Variants in ANO6 observed in about 807,000 individuals in gnomAD.
ANO6 encodes anoctamin 6.
ANO6 carries 106 observed loss-of-function variants against 117.5 expected under a neutral mutation model. That is an observed-to-expected ratio of 0.90 (90% CI 0.77 to 1.06). ANO6 has a LOEUF of 1.06. Ranked by LOEUF, ANO6 falls within the 50% of genes least tolerant of loss-of-function variation. The pLI, the probability that ANO6 is intolerant of heterozygous loss-of-function variation, is 0.00. For missense variants in ANO6, 955 were observed against 1,121.1 expected (o/e 0.85, Z 2.12); for synonymous variants, 367 against 385.1 (o/e 0.95, Z 0.55).
Position 45,348,542 on chromosome 12 carries a change from A to C in ANO6, c.658A>C (p.Lys220Gln). 2.5e-6 allele frequency: 4 copies of C among 1,613,990 alleles called. No homozygotes were observed. The East Asian group carries it at 8.9e-5, about 36-fold the overall frequency. ...GGTTTACTTCATCCTCTCTCGGGTC[A>C]AGTATCAAGTGATAAACAATGTTAG... ...RIVYFILSRV[K>Q]YQVINNVSKF... The change falls in exon 6 of 20, where the codon AAG becomes CAG. Residue 220 changes from lysine to glutamine, a missense_variant. Lys to Gln is a moderately conservative substitution (Grantham distance 53, BLOSUM62 1). Transcript: ENST00000320560.
chr12:45,277,786 C>A (rs1938600849), intron 1 of ANO6, among the ~76,000 whole-genome samples: 1 of 152,054 alleles, frequency 6.6e-6, no homozygotes, highest in Non-Finnish European at 1.5e-5. Context: ...TCCTGCCATT[C>A]TGACTTATGA....
rs544734439 is a variant in ANO6, at chr12:45,351,623, G to A, written c.863+849G>A. ...AGGAGGTGACTTTTAAGCTGAGATC[G>A]GATAGTGAAGAGGAGCCAGTGCTTT... On this transcript the variant is annotated intron_variant, in intron 7 of 19. Transcript: ENST00000320560. Among the ~76,000 whole-genome samples, 389 of 152,250 alleles carry A rather than the reference G, an allele frequency of 2.6e-3. 2 individuals carry two copies. The highest frequency in any genetic ancestry group is 7.3e-3 in the African/African-American group (302 of 41,540).
chr12:45,390,333 A>C, intron 11 of ANO6, 88 bp from the exon 12 acceptor site: 2 of 1,096,906 alleles, frequency 1.8e-6, no homozygotes, highest in Non-Finnish European at 2.8e-6. Flanking sequence ...TTTAAAATTA[A>C]TTCTAAGATT....
At position 45,430,740 on chromosome 12, in the gene ANO6, T is replaced by G. The variant is rs1592059724; in HGVS notation, c.*1429T>G. 7 of 985,468 alleles carry G rather than the reference T, an allele frequency of 7.1e-6. No individual in the cohort carries two copies. Among genetic ancestry groups the G allele is most frequent in the Non-Finnish European group, 8.4e-6 (7 of 829,958 alleles). The allele number at this position is 985,468 out of a possible 1,614,324, so 61.0% of individuals were successfully genotyped here. On this transcript the variant is annotated 3_prime_UTR_variant, in exon 20 of 20. Coordinates refer to ENST00000320560, the MANE Select transcript of ANO6 (RefSeq NM_001025356.3). The stretch of plus-strand genomic sequence containing the variant: ...CCATGCACGTCTTGCCCCCTCACTT[T>G]TGCTCAGCCTAGCAGTCTACTTCAC...
At chr12:45,284,581 G>T (rs1265081558) in intron 1 of ANO6, among the ~76,000 whole-genome samples, 2 of 152,192 alleles carry the variant, frequency 1.3e-5, no homozygotes, top group African/African-American at 4.8e-5. Context: ...CCAACTCCCA[G>T]CCAGGCTGCT....
At chr12:45,417,333 A>G (rs1943240837) in intron 17 of ANO6, among the ~76,000 whole-genome samples, 1 of 152,194 alleles carries the variant, frequency 6.6e-6, no homozygotes, top group Non-Finnish European at 1.5e-5. Flanking sequence ...GCATCACCCT[A>G]AAATATTGAC....
intron 1 of ANO6, among the ~76,000 whole-genome samples, chr12:45,225,200 A>C (rs34003908): frequency 3.9e-5 from 6 of 152,046 alleles, no homozygotes; most frequent in Non-Finnish European, 7.4e-5. Context: ...AAAAAAAAAA[A>C]AACTCACGAT....
At chr12:45,275,432 A>G (rs777591933) in intron 1 of ANO6, among the ~76,000 whole-genome samples, 1 of 151,040 alleles carries the variant, frequency 6.6e-6, no homozygotes, top group Non-Finnish European at 1.5e-5. Flanking sequence ...CTGGTCTCGA[A>G]CTCCTGACCT....
chr12:45,303,485 A>C, intron 2 of ANO6, among the ~76,000 whole-genome samples: 1 of 152,254 alleles, frequency 6.6e-6, no homozygotes, highest in East Asian at 1.9e-4. Context: ...TAATCTAAAA[A>C]GAACTGTGTG....
chr12:45,320,926 G>T lies in ANO6; in HGVS notation c.151-10369G>T, dbSNP rs569139132. 3.3e-5 allele frequency among the ~76,000 whole-genome samples: 5 copies of T among 152,198 alleles called. 1 individual carries two copies. The South Asian group carries it at 1.0e-3, about 32-fold the overall frequency. Reference sequence around the variant, plus strand: ...TTGGTTTAAAGTCTGTTTTATCAGAGACTAGGATTGCAACCCCTGCCTTTT... The same window carrying T: ...TTGGTTTAAAGTCTGTTTTATCAGATACTAGGATTGCAACCCCTGCCTTTT... On this transcript the variant is annotated intron_variant, in intron 2 of 19. Coordinates refer to ENST00000320560, the MANE Select transcript of ANO6 (RefSeq NM_001025356.3).
chr12:45,231,469 G>A (rs1021705255), intron 1 of ANO6, among the ~76,000 whole-genome samples: 2 of 152,106 alleles, frequency 1.3e-5, no homozygotes, highest in Admixed American at 1.3e-4. Flanking sequence ...ATATCATTTG[G>A]GTAGGTGAGA....
Position 45,431,970 on chromosome 12 carries a change from G to A in ANO6, c.*2659G>A. On this transcript the variant is annotated 3_prime_UTR_variant, in exon 20 of 20. Transcript: ENST00000320560. ...AGCTATATATCATTAGAAAGGGAAA[G>A]CTATCATTTTTATTTTAAAACTAAA... 4 of 985,278 alleles carry A rather than the reference G, an allele frequency of 4.1e-6. No homozygotes were observed. Among genetic ancestry groups the A allele is most frequent in the Non-Finnish European group, 4.8e-6 (4 of 829,838 alleles). The allele number at this position is 985,278 out of a possible 1,614,324, so 61.0% of individuals were successfully genotyped here. A position where few individuals can be genotyped will look rare whatever the true frequency, so the allele number is the denominator to read the frequency against.
At chr12:45,285,708 A>G (rs1938889640) in intron 1 of ANO6, among the ~76,000 whole-genome samples, 1 of 151,752 alleles carries the variant, frequency 6.6e-6, no homozygotes, top group Non-Finnish European at 1.5e-5. Flanking sequence ...CAGCCTAGCA[A>G]CAGAACAAGA....
intron 17 of ANO6, among the ~76,000 whole-genome samples, chr12:45,418,710 T>C (rs1470119736): frequency 2.6e-5 from 4 of 152,218 alleles, no homozygotes; most frequent in African/African-American, 7.2e-5. Context: ...GATGGAGGAT[T>C]GGCTGTTTCC....
At chr12:45,281,985 A>G (rs1255138803) in intron 1 of ANO6, among the ~76,000 whole-genome samples, 1 of 152,168 alleles carries the variant, frequency 6.6e-6, no homozygotes, top group Non-Finnish European at 1.5e-5. Context: ...GGATGAGATG[A>G]AGAGAGGAAG....
intron 12 of ANO6, among the ~76,000 whole-genome samples, chr12:45,396,501 TG>T (rs1267211871): frequency 2.6e-5 from 4 of 152,112 alleles, no homozygotes; most frequent in Non-Finnish European, 5.9e-5. Flanking sequence ...AAAGTTCATA[TG>T]GAACCAAAAA....
intron 17 of ANO6, among the ~76,000 whole-genome samples, chr12:45,417,283 T>TA (rs1443813492): frequency 1.3e-5 from 2 of 152,182 alleles, no homozygotes; most frequent in African/African-American, 4.8e-5. Flanking sequence ...GGCCCTAAAA[T>TA]AAGATCATTC....
chr12:45,333,940 A>G (rs912335669), intron 3 of ANO6, among the ~76,000 whole-genome samples: 1 of 152,096 alleles, frequency 6.6e-6, no homozygotes, highest in Non-Finnish European at 1.5e-5. Flanking sequence ...ACCAGAGTTT[A>G]TCTAAAGGAT....
At chr12:45,249,632 AAG>A (rs1947873557) in intron 1 of ANO6, among the ~76,000 whole-genome samples, 1 of 152,172 alleles carries the variant, frequency 6.6e-6, no homozygotes, top group South Asian at 2.1e-4. Flanking sequence ...TTATTAAGTG[AAG>A]AGAGAGCCAT....
Sources: allele counts gnomAD v4.1 joint callset (sites outside exome capture counted in the v4.1 genomes callset), GRCh38; gene constraint gnomAD v4.1.1; transcripts MANE v1.5; gene names NCBI Gene and HGNC (gene_info 2026-07-23, HGNC 2026-07-21).